The following RASA3 variants were observed in gnomAD, a reference collection of about 807,000 sequenced individuals.
RASA3 encodes ras GTPase-activating protein 3.
RASA3 carries 73 observed loss-of-function variants against 110.0 expected under a neutral mutation model. The ratio of observed to expected loss-of-function variants is 0.66; its 90% CI spans 0.55 to 0.81. The LOEUF (loss-of-function observed/expected upper bound fraction) is 0.81, where lower values mean the gene tolerates loss of function less well. Ranked by LOEUF, RASA3 falls within the 30% of genes least tolerant of loss-of-function variation. RASA3 has a pLI of 0.00. For missense variants in RASA3, 976 were observed against 1,113.2 expected, an observed-to-expected ratio of 0.88 and a Z score of 1.75; for synonymous variants, 500 against 451.4, an observed-to-expected ratio of 1.11 and a Z score of -1.37.
intron 15 of RASA3, among the ~76,000 whole-genome samples, chr13:114,012,509 C>G (rs2053656524): frequency 6.7e-6 from 1 of 149,216 alleles, no homozygotes; most frequent in Non-Finnish European, 1.5e-5. Context: ...ACTCATTACA[C>G]ACACTCCCCA....
intron 1 of RASA3, among the ~76,000 whole-genome samples, chr13:114,124,170 A>T (rs2139796409): frequency 6.6e-6 from 1 of 152,324 alleles, no homozygotes; most frequent in East Asian, 1.9e-4. Flanking sequence ...CTGTCCCCAG[A>T]AGGAACAAAA....
At chr13:114,034,820 C>T (rs368481271) in intron 4 of RASA3, among the ~76,000 whole-genome samples, 4 of 152,348 alleles carry the variant, frequency 2.6e-5, no homozygotes, top group South Asian at 4.1e-4. Context: ...TGGGATGAAG[C>T]GGGAGCCGTG....
chr13:114,072,577 C>T (rs2079589997), intron 2 of RASA3, among the ~76,000 whole-genome samples: 1 of 152,042 alleles, frequency 6.6e-6, no homozygotes, highest in Admixed American at 6.6e-5. Flanking sequence ...TGCGAGCTTC[C>T]CGGTTCATCT....
Position 114,011,148 on chromosome 13 carries a change from G to A in RASA3, c.1590+23C>T, listed in dbSNP as rs998309771. On this transcript the variant is annotated intron_variant, in intron 16 of 23. Coordinates refer to ENST00000334062, the MANE Select transcript of RASA3 (RefSeq NM_007368.4). The surrounding 1 kb of genome is among the most constrained non-coding windows in gnomAD (Gnocchi z 4.8). ...AAAGAATCAGTTGTCCCTAAAAAGAGAAAATGAAGAAGAGGGACTCACAGA... is the reference window on the plus strand; with the variant it reads ...AAAGAATCAGTTGTCCCTAAAAAGAAAAAATGAAGAAGAGGGACTCACAGA... The A allele has an allele frequency of 3.2e-6, 5 of 1,583,042 alleles. No homozygotes were observed. Among genetic ancestry groups the A allele is most frequent in the East Asian group, 2.2e-5 (1 of 44,718 alleles).
Position 113,979,118 on chromosome 13 carries a change from C to T in RASA3, c.*229G>A, listed in dbSNP as rs1465328204. ...CCCCACAAACAAGGAGCAAAAAGCA[C>T]AGAATCAAATGACGACACGTTCCAC... is the stretch of plus-strand genomic sequence containing the variant. On this transcript the variant is annotated 3_prime_UTR_variant, in exon 24 of 24. Transcript: ENST00000334062. 1 of 559,820 alleles carries T rather than the reference C, an allele frequency of 1.8e-6. No homozygotes were observed. Among genetic ancestry groups the T allele is most frequent in the Admixed American group, 3.1e-5 (1 of 32,068 alleles). 34.7% of individuals were successfully genotyped at this position (559,820 alleles called of 1,614,324 possible). A position where few individuals can be genotyped will look rare whatever the true frequency, so the allele number is the denominator to read the frequency against.
chr13:113,996,849 C>T, intron 20 of RASA3, 110 bp from the exon 21 acceptor site: 1 of 981,226 alleles, frequency 1.0e-6, no homozygotes, highest in Non-Finnish European at 1.6e-6. Flanking sequence ...AGAGGGGACG[C>T]TGAGGGTGCA....
At chr13:114,010,803 A>C (rs1373718082) in intron 16 of RASA3, among the ~76,000 whole-genome samples, 1 of 38,436 alleles carries the variant, frequency 2.6e-5, no homozygotes, top group Non-Finnish European at 5.2e-5. Flanking sequence ...GGGGGCCGCG[A>C]GGGGAGTAGG....
intron 3 of RASA3, among the ~76,000 whole-genome samples, chr13:114,051,409 G>T (rs1456277659): frequency 6.6e-6 from 1 of 152,234 alleles, no homozygotes; most frequent in South Asian, 2.1e-4. Flanking sequence ...TCCTGACGGG[G>T]TCCTCTGGCT....
chr13:114,032,804 CCCCACACT>C, intron 4 of RASA3, among the ~76,000 whole-genome samples: 1 of 116,598 alleles, frequency 8.6e-6, no homozygotes, highest in East Asian at 2.9e-4. Flanking sequence ...CCCACGGCAC[CCCCACACT>C]GACACCACGC....
chr13:114,013,948 CT>C, intron 14 of RASA3, among the ~76,000 whole-genome samples: 1 of 85,102 alleles, frequency 1.2e-5, no homozygotes, highest in African/African-American at 6.3e-5. Flanking sequence ...GTCTCTATCT[CT>C]CTGTCTCTCT....
chr13:113,980,687 T>C (rs2052913902), intron 23 of RASA3, among the ~76,000 whole-genome samples: 1 of 152,210 alleles, frequency 6.6e-6, no homozygotes, highest in South Asian at 2.1e-4. Context: ...TATGATGATG[T>C]CAGAGGTGAA....
At chr13:114,000,183 G>T (rs960226672) in intron 19 of RASA3, among the ~76,000 whole-genome samples, 3 of 150,618 alleles carry the variant, frequency 2.0e-5, no homozygotes, top group Non-Finnish European at 4.4e-5. Flanking sequence ...TCTGCCAGCT[G>T]GGGGTCTCTG....
Position 114,048,377 on chromosome 13 carries a change from A to C in RASA3, c.277+3675T>G, listed in dbSNP as rs930511191. 6.6e-6 allele frequency among the ~76,000 whole-genome samples: 1 copy of C among 151,538 alleles called. No homozygotes were observed. The highest frequency in any genetic ancestry group is 2.1e-4 in the South Asian group (1 of 4,812). ...TCACTGCACCCCCACCCCATTGGGA[A>C]GCCTCAGAGAGTCTCTAGGGGCTGG... On this transcript the variant is annotated intron_variant, in intron 3 of 23. Transcript: ENST00000334062. The surrounding 1 kb of genome is among the most constrained non-coding windows in gnomAD (Gnocchi z 4.3).
intron 1 of RASA3, among the ~76,000 whole-genome samples, chr13:114,080,601 C>G (rs906534620): frequency 2.0e-5 from 3 of 151,698 alleles, no homozygotes; most frequent in African/African-American, 7.3e-5. Context: ...TCTATGGTGA[C>G]GGGGTGGCAG....
intron 1 of RASA3, among the ~76,000 whole-genome samples, chr13:114,127,467 C>T (rs2080466080): frequency 6.6e-6 from 1 of 152,212 alleles, no homozygotes; most frequent in African/African-American, 2.4e-5. Flanking sequence ...GGCCACTGTC[C>T]ACCCACACAG....
intron 1 of RASA3, among the ~76,000 whole-genome samples, chr13:114,081,244 A>C (rs2079784478): frequency 6.6e-6 from 1 of 152,038 alleles, no homozygotes; most frequent in Non-Finnish European, 1.5e-5. Flanking sequence ...CACTCCAGAG[A>C]CTCACGCGTC....
At chr13:114,108,375 A>G (rs1285037650) in intron 1 of RASA3, among the ~76,000 whole-genome samples, 1 of 47,498 alleles carries the variant, frequency 2.1e-5, no homozygotes, top group Non-Finnish European at 4.2e-5. Flanking sequence ...CGCGTCCATC[A>G]CCCCCATCCG....
At chr13:114,098,910 A>AAG (rs1566570772) in intron 1 of RASA3, among the ~76,000 whole-genome samples, 2 of 152,140 alleles carry the variant, frequency 1.3e-5, no homozygotes, top group African/African-American at 4.8e-5. Flanking sequence ...CGCAGGCCAG[A>AAG]AGGCAGCAAC....
chr13:114,017,884 T>C (rs2053828296), intron 11 of RASA3, among the ~76,000 whole-genome samples: 2 of 149,264 alleles, frequency 1.3e-5, no homozygotes, highest in Non-Finnish European at 3.0e-5. Context: ...CCCTCCCCAC[T>C]CACTCACTCT....
Sources: allele counts gnomAD v4.1 joint callset (sites outside exome capture counted in the v4.1 genomes callset), GRCh38; gene constraint gnomAD v4.1.1; non-coding constraint Gnocchi (gnomAD v3.1); transcripts MANE v1.5; gene names NCBI Gene and HGNC (gene_info 2026-07-23, HGNC 2026-07-21).